The following ZCRB1 variants were observed in gnomAD, a reference collection of about 807,000 sequenced individuals.
ZCRB1 encodes zinc finger CCHC-type and RNA binding motif containing 1, also known as zinc finger CCHC-type and RNA-binding motif-containing protein 1.
Under a neutral mutation model 29.9 loss-of-function variants are expected in ZCRB1, and 21 were observed. That is an observed-to-expected ratio of 0.70 (90% CI 0.50 to 1.01). ZCRB1 has a LOEUF of 1.01. Ranked by LOEUF, ZCRB1 falls within the 50% of genes least tolerant of loss-of-function variation. The pLI is 0.00. For missense variants in ZCRB1, 204 were observed against 253.3 expected, an observed-to-expected ratio of 0.81 and a Z score of 1.32; for synonymous variants, 77 against 80.0, an observed-to-expected ratio of 0.96 and a Z score of 0.20.
At chr12:42,315,766 C>T (rs1205732190) in intron 5 of ZCRB1, among the ~76,000 whole-genome samples, 1 of 152,110 alleles carries the variant, frequency 6.6e-6, no homozygotes, top group Admixed American at 6.6e-5. Context: ...ACTACCTTCC[C>T]TCCCTCCCTT....
In ZCRB1 at chr12:42,317,329, G is replaced by A; in HGVS notation, c.333+11C>T. 2 of 1,580,646 alleles carry A rather than the reference G, an allele frequency of 1.3e-6. No homozygotes were observed. Among genetic ancestry groups the A allele is most frequent in the Non-Finnish European group, 1.7e-6 (2 of 1,162,646 alleles). On this transcript the variant is annotated intron_variant, in intron 5 of 7. Transcript: ENST00000266529. ...CTATGGAAAGTTCCATTAAGTTTTA[G>A]GTTTACTTACCCCACATTCATAACA...
intron 5 of ZCRB1, among the ~76,000 whole-genome samples, chr12:42,315,615 A>T (rs548078191): frequency 6.6e-6 from 1 of 152,292 alleles, no homozygotes; most frequent in East Asian, 1.9e-4. Context: ...GGAGGGAGGG[A>T]AATTAAATAT....
chr12:42,322,315 T>C, intron 3 of ZCRB1, 103 bp downstream of exon 3: 1 of 1,121,222 alleles, frequency 8.9e-7, no homozygotes, highest in Non-Finnish European at 1.2e-6. Flanking sequence ...TTCTTTATTA[T>C]ATCAAGCATG....
intron 5 of ZCRB1, among the ~76,000 whole-genome samples, chr12:42,316,885 A>G (rs1320337729): frequency 1.3e-5 from 2 of 152,182 alleles, no homozygotes; most frequent in East Asian, 1.9e-4. Context: ...TTGCATTTCA[A>G]TTGAATTTAC....
Position 42,326,069 on chromosome 12 carries a change from G to C in ZCRB1, c.-148C>G, listed in dbSNP as rs989843022. 1.2e-4 allele frequency: 19 copies of C among 152,428 alleles called. No homozygotes were observed. Among genetic ancestry groups the C allele is most frequent in the African/African-American group, 4.6e-4 (19 of 41,604 alleles). The allele number at this position is 152,428 out of a possible 1,614,324, so 9.4% of individuals were successfully genotyped here. On this transcript the variant is annotated 5_prime_UTR_variant, in exon 1 of 8. Coordinates refer to ENST00000266529, the MANE Select transcript of ZCRB1 (RefSeq NM_033114.4). Reference sequence around the variant, plus strand: ...CAGGCGCGGAGAGCAGATAATAGCAGCCACGGTGCTTCTTCCCGACTGTTT... The same window carrying C: ...CAGGCGCGGAGAGCAGATAATAGCACCCACGGTGCTTCTTCCCGACTGTTT...
At position 42,313,955 on chromosome 12, in the gene ZCRB1, T is replaced by G. The variant is rs1242643158; in HGVS notation, c.365A>C (p.Lys122Thr). 2 of 1,602,720 alleles carry G rather than the reference T, an allele frequency of 1.2e-6. No homozygotes were observed. The highest frequency in any genetic ancestry group is 2.2e-5 in the East Asian group (1 of 44,822). The change falls in exon 6 of 8, where the codon AAA becomes ACA. Residue 122 changes from lysine (K) to threonine (T), a missense_variant. By Grantham distance (78) the Lys-to-Thr change is moderately conservative. Transcript: ENST00000266529. ...ESGHLSYACP[K>T]NMLGEREPPK... ...AGGCTCACGTTCTCCGAGCATATTT[T>G]TCGGACAGGCATAACTTAAGTGTCC... is the stretch of plus-strand genomic sequence containing the variant.
At chr12:42,325,337 T>G (rs984982522) in intron 1 of ZCRB1, 1 of 152,162 alleles carries the variant, frequency 6.6e-6, no homozygotes, top group Admixed American at 6.5e-5. Flanking sequence ...AAGGAGTAAA[T>G]TTAAGCTTTA....
In ZCRB1 at chr12:42,312,990, C is replaced by G. The variant is rs988755262; in HGVS notation, c.*77G>C. 2 of 1,340,740 alleles carry G rather than the reference C, an allele frequency of 1.5e-6. No homozygotes were observed. Among genetic ancestry groups the G allele is most frequent in the Non-Finnish European group, 2.0e-6 (2 of 1,022,408 alleles). The allele number at this position is 1,340,740 out of a possible 1,614,324, so 83.1% of individuals were successfully genotyped here. A position where few individuals can be genotyped will look rare whatever the true frequency, so the allele number is the denominator to read the frequency against. The stretch of plus-strand genomic sequence containing the variant: ...TATTAACATGATAGTATTAATTTTT[C>G]TTATTTTTATTAAAATTAGCTCTTC... On this transcript the variant is annotated 3_prime_UTR_variant, in exon 8 of 8. Transcript: ENST00000266529.
chr12:42,313,839 CATG>C (rs1443180451), intron 6 of ZCRB1, 32 bp downstream of exon 6: 2 of 1,609,472 alleles, frequency 1.2e-6, no homozygotes, highest in Non-Finnish European at 1.7e-6. Context: ...ACAAAAGCAA[CATG>C]ATGATGTATT....
chr12:42,314,160 G>A (rs867460778), intron 5 of ZCRB1, among the ~76,000 whole-genome samples, 174 bp from the exon 6 acceptor site: 1 of 151,844 alleles, frequency 6.6e-6, no homozygotes, highest in Non-Finnish European at 1.5e-5. Context: ...TTTAGAAGGT[G>A]ATATTATAAC....
Position 42,313,985 on chromosome 12 carries a change from T to G in ZCRB1, c.335A>C (p.Glu112Ala), listed in dbSNP as rs753927739. ...FDKSKCYECG[E>A]SGHLSYACPK... ...ACAGGCATAACTTAAGTGTCCACTT[T>G]CCTTTTGTTTCCCATTAAAAAGGAA... The change falls in exon 6 of 8, where the codon GAA becomes GCA. Residue 112 changes from glutamate to alanine, a missense_variant and splice_region_variant. Physicochemically the swap from Glu to Ala is moderately radical, Grantham distance 107. Transcript: ENST00000266529. The G allele has an allele frequency of 3.2e-6, 5 of 1,581,488 alleles. No individual in the cohort carries two copies. The highest frequency in any genetic ancestry group is 2.0e-4 in the Middle Eastern group (1 of 5,028).
chr12:42,313,261 T>TTATGAATATTGG, intron 7 of ZCRB1, 63 bp from the exon 8 acceptor site: 1 of 1,528,738 alleles, frequency 6.5e-7, no homozygotes, highest in African/African-American at 1.4e-5. Flanking sequence ...GTTCATTAAT[T>TTATGAATATTGG]CAAAACATGG....
chr12:42,324,454 A>T (rs1027190866), intron 1 of ZCRB1, among the ~76,000 whole-genome samples: 1 of 152,198 alleles, frequency 6.6e-6, no homozygotes, highest in African/African-American at 2.4e-5. Flanking sequence ...GGCCTAAACC[A>T]AGTATTATTA....
Position 42,317,931 on chromosome 12 carries a change from C to T in ZCRB1, c.114-33G>A, listed in dbSNP as rs566318216. ...CATAAACAAAGAGTTAAAAATGAGG[C>T]AGCAATAAATAAAACAGATACTAAT... On this transcript the variant is annotated intron_variant, in intron 3 of 7. Transcript: ENST00000266529. 3.9e-6 allele frequency: 6 copies of T among 1,547,952 alleles called. No homozygotes were observed. In the African/African-American group the frequency reaches 5.5e-5, roughly 14 times the overall value.
chr12:42,318,760 G>C (rs1373543280), intron 3 of ZCRB1, among the ~76,000 whole-genome samples: 4 of 151,800 alleles, frequency 2.6e-5, no homozygotes, highest in African/African-American at 9.7e-5. Flanking sequence ...GAGCGAGTGA[G>C]AGAGAGAGAG....
chr12:42,316,606 G>A lies in ZCRB1; in HGVS notation c.333+734C>T, dbSNP rs2068595794. Among the ~76,000 whole-genome samples, 8 of 152,050 alleles carry A rather than the reference G, an allele frequency of 5.3e-5. No homozygotes were observed. The South Asian group carries it at 1.7e-3, about 31-fold the overall frequency. On this transcript the variant is annotated intron_variant, in intron 5 of 7. Coordinates refer to ENST00000266529, the MANE Select transcript of ZCRB1 (RefSeq NM_033114.4). ...GGGATAGTTCAGTTACAAAACACTA[G>A]CAATACTAATAGGAAAAAATAAAAA...
chr12:42,322,904 T>G (rs2068628765), intron 2 of ZCRB1, among the ~76,000 whole-genome samples: 1 of 152,228 alleles, frequency 6.6e-6, no homozygotes, highest in South Asian at 2.1e-4. Context: ...ATCCTTAGAC[T>G]GCTTTATTTA....
chr12:42,316,517 CT>C (rs990761159), intron 5 of ZCRB1, among the ~76,000 whole-genome samples: 1 of 152,186 alleles, frequency 6.6e-6, no homozygotes, highest in Admixed American at 6.5e-5. Context: ...GTCTCTCTCT[CT>C]TCATCACCAA....
intron 5 of ZCRB1, among the ~76,000 whole-genome samples, chr12:42,316,770 G>A (rs1266530491): frequency 6.6e-6 from 1 of 152,172 alleles, no homozygotes; most frequent in Non-Finnish European, 1.5e-5. Flanking sequence ...GCAAGACAGT[G>A]ACATAAGTAA....
Sources: allele counts gnomAD v4.1 joint callset (sites outside exome capture counted in the v4.1 genomes callset), GRCh38; gene constraint gnomAD v4.1.1; transcripts MANE v1.5; gene names NCBI Gene and HGNC (gene_info 2026-07-23, HGNC 2026-07-21).